Variants in HECW2 observed in about 807,000 individuals in gnomAD.
HECW2 encodes HECT, C2 and WW domain containing E3 ubiquitin protein ligase 2.
A neutral mutation model predicts 175.2 loss-of-function variants in HECW2; 61 were observed. The ratio of observed to expected loss-of-function variants is 0.35; its 90% CI spans 0.28 to 0.43. The LOEUF (loss-of-function observed/expected upper bound fraction) is 0.43. Ranked by LOEUF, HECW2 falls within the 20% of genes least tolerant of loss-of-function variation. The pLI, the probability that HECW2 is intolerant of heterozygous loss-of-function variation, is 1.00. For missense variants in HECW2, 1,524 were observed against 2,000.5 expected, an observed-to-expected ratio of 0.76 and a Z score of 4.54; for synonymous variants, 671 against 731.0, an observed-to-expected ratio of 0.92 and a Z score of 1.32.
rs147871411 is a variant in HECW2 at position 196,313,999 on chromosome 2, C to T, written c.2434+3275G>A. Among the ~76,000 whole-genome samples the T allele has an allele frequency of 5.8e-3, 885 of 152,298 alleles. 8 individuals are homozygous for T. The highest frequency in any genetic ancestry group is 0.02 in the Middle Eastern group (6 of 294). On this transcript the variant is annotated intron_variant, in intron 10 of 28. Coordinates refer to ENST00000644978, the MANE Select transcript of HECW2 (RefSeq NM_001348768.2). ...TCACTTGAGCCCAGGAGTTTGAGGC[C>T]GCAGTGCACCATGATCATGCCACAT...
chr2:196,548,555 A>G (rs1689499920), intron 1 of HECW2, among the ~76,000 whole-genome samples: 1 of 152,328 alleles, frequency 6.6e-6, no homozygotes, highest in South Asian at 2.1e-4. Context: ...TGGGAAAGGT[A>G]GCTGCCCCAT....
intron 1 of HECW2, among the ~76,000 whole-genome samples, chr2:196,481,081 CAAG>C (rs1321818578): frequency 6.6e-6 from 1 of 152,234 alleles, no homozygotes; most frequent in Non-Finnish European, 1.5e-5. Flanking sequence ...TAGCAAGTTT[CAAG>C]AAGGCTTTGG....
At chr2:196,237,229 G>C (rs955431188) in intron 21 of HECW2, among the ~76,000 whole-genome samples, 1 of 152,104 alleles carries the variant, frequency 6.6e-6, no homozygotes, top group Non-Finnish European at 1.5e-5. Flanking sequence ...TGGGGAACAG[G>C]TGGTGTTTGG....
intron 1 of HECW2, among the ~76,000 whole-genome samples, chr2:196,488,685 A>G (rs1384700937): frequency 6.6e-6 from 1 of 151,892 alleles, no homozygotes; most frequent in Non-Finnish European, 1.5e-5. Flanking sequence ...ATTCCATAAA[A>G]CTCTAAGGGG....
chr2:196,220,806 C>T lies in HECW2; in HGVS notation c.4282G>A (p.Gly1428Ser). 1 of 1,614,098 alleles carries T rather than the reference C, an allele frequency of 6.2e-7. No individual in the cohort carries two copies. The highest frequency in any genetic ancestry group is 8.5e-7 in the Non-Finnish European group (1 of 1,179,998). The change falls in exon 25 of 29, where the codon GGC becomes AGC. Residue 1428 changes from glycine (G) to serine (S), a missense_variant. By Grantham distance (56) the Gly-to-Ser change is moderately conservative. This residue lies in a region of HECW2 where 134 missense variants were observed against 287.8 expected (regional missense o/e 0.47). Transcript: ENST00000644978. The stretch of plus-strand genomic sequence containing the variant: ...CTGATTGTCTTTACCTCATAGAAGC[C>T]ACGCACTAAGCTCTCTGTTTGCTGT... Reference protein sequence around the residue: ...VVQQTESLVRGFYEVVDARLV... With the variant: ...VVQQTESLVRSFYEVVDARLV...
intron 14 of HECW2, among the ~76,000 whole-genome samples, chr2:196,284,624 A>G (rs1323914325): frequency 1.3e-5 from 2 of 152,240 alleles, no homozygotes; most frequent in African/African-American, 4.8e-5. Context: ...AAGAGCATGC[A>G]AAGTCCAAGC....
At chr2:196,426,823 A>T (rs1695561902) in intron 2 of HECW2, among the ~76,000 whole-genome samples, 1 of 152,180 alleles carries the variant, frequency 6.6e-6, no homozygotes, top group Non-Finnish European at 1.5e-5. Flanking sequence ...CATAAGCTTA[A>T]ACTTTGGGAT....
chr2:196,460,234 A>T (rs538427238), intron 1 of HECW2, among the ~76,000 whole-genome samples: 43 of 152,344 alleles, frequency 2.8e-4, no homozygotes, highest in African/African-American at 1.0e-3. Context: ...CTAACAGTTT[A>T]TGGGGATGGG....
intron 28 of HECW2, among the ~76,000 whole-genome samples, chr2:196,202,226 A>ATACCTTCAGATTTTTTT (rs1686884538): frequency 1.3e-5 from 2 of 152,350 alleles, no homozygotes; most frequent in Non-Finnish European, 2.9e-5. Context: ...TGACTTAAAA[A>ATACCTTCAGATTTTTTT]AAATACTCCT....
intron 2 of HECW2, among the ~76,000 whole-genome samples, chr2:196,369,061 A>G (rs1371489301): frequency 6.6e-6 from 1 of 152,020 alleles, no homozygotes; most frequent in Non-Finnish European, 1.5e-5. Context: ...TGGGCTTTGA[A>G]GAGTTAGGTA....
chr2:196,224,821 A>G (rs1687792354), intron 23 of HECW2, among the ~76,000 whole-genome samples: 1 of 152,182 alleles, frequency 6.6e-6, no homozygotes, highest in South Asian at 2.1e-4. Flanking sequence ...TGAAATGGGA[A>G]GATGCAAAGT....
intron 2 of HECW2, among the ~76,000 whole-genome samples, chr2:196,357,336 G>A (rs1045081848): frequency 6.6e-6 from 1 of 151,644 alleles, no homozygotes; most frequent in Admixed American, 6.6e-5. Context: ...TTGGGCGGGG[G>A]GGCGGCACTC....
chr2:196,307,061 GT>G (rs1691292711), intron 12 of HECW2, 68 bp downstream of exon 12: 2 of 1,089,780 alleles, frequency 1.8e-6, no homozygotes, highest in Non-Finnish European at 2.8e-6. Flanking sequence ...AGCCTTACTT[GT>G]TGGGAATCCT....
chr2:196,388,102 G>A (rs1207156885), intron 2 of HECW2, among the ~76,000 whole-genome samples: 2 of 151,944 alleles, frequency 1.3e-5, no homozygotes, highest in African/African-American at 2.4e-5. Context: ...ACCAGACTGG[G>A]CAACGTAATA....
rs759294021 is a variant in HECW2, at chr2:196,322,480, G to A, written c.882C>T (p.Ile294=). Reference sequence around the variant, plus strand: ...CCCCAAAGGTAAGGGCTGATTACCCGATGGCTTGTCGCTCCAGCAGCCTCT... The same window carrying A: ...CCCCAAAGGTAAGGGCTGATTACCCAATGGCTTGTCGCTCCAGCAGCCTCT... The part of the protein sequence containing the change: ...PVQRLLERQA[I]GDQMLSYNLG... Residue 294 remains isoleucine, a splice_region_variant and synonymous_variant, in exon 7 of 29, where the codon ATC becomes ATT. Transcript: ENST00000644978. 22 of 1,613,086 alleles carry A rather than the reference G, an allele frequency of 1.4e-5. No homozygotes were observed. The highest frequency in any genetic ancestry group is 1.2e-4 in the South Asian group (11 of 90,876).
chr2:196,531,105 G>C (rs570358443), intron 1 of HECW2, among the ~76,000 whole-genome samples: 1 of 152,044 alleles, frequency 6.6e-6, no homozygotes, highest in African/African-American at 2.4e-5. Flanking sequence ...GTCATTTTAC[G>C]CACTGTGGTT....
intron 2 of HECW2, among the ~76,000 whole-genome samples, chr2:196,399,154 G>A (rs1534536): frequency 0.25 from 38,567 of 152,032 alleles, 5,279 homozygotes; most frequent in African/African-American, 0.34. Context: ...TGTACACTCC[G>A]GAAGCACTAC....
chr2:196,366,155 A>C (rs1309155970), intron 2 of HECW2, among the ~76,000 whole-genome samples: 8 of 152,236 alleles, frequency 5.3e-5, no homozygotes. Flanking sequence ...CAGGAACTTG[A>C]TCAAGGGAGC....
chr2:196,318,705 C>T lies in HECW2; in HGVS notation c.2185G>A (p.Asp729Asn). 6.3e-7 allele frequency: 1 copy of T among 1,580,644 alleles called. No homozygotes were observed. The highest frequency in any genetic ancestry group is 8.6e-7 in the Non-Finnish European group (1 of 1,164,448). The change falls in exon 9 of 29, where the codon GAC becomes AAC. Residue 729 changes from aspartate (D) to asparagine (N), a missense_variant. Around this residue, in one of 11 missense-constraint regions of HECW2, gnomAD observed 604 missense variants for 588.3 expected, o/e 1.03. Transcript: ENST00000644978. Reference protein sequence around the residue: ...GPGAESATVPDQEELGEVWQR... With the variant: ...GPGAESATVPNQEELGEVWQR... The stretch of plus-strand genomic sequence containing the variant: ...CAGACCTCCCCCAGCTCCTCCTGGT[C>T]AGGTACAGTGGCCGATTCTGCCCCT...
Sources: gnomAD v4.1 joint callset for allele counts (sites outside exome capture counted in the v4.1 genomes callset) on GRCh38, gnomAD v4.1.1 for gene constraint, gnomAD v4.1.1 regional missense constraint, MANE v1.5 for transcripts, NCBI Gene and HGNC (gene_info 2026-07-23, HGNC 2026-07-21) for gene names.